ESRRG: variants seen among roughly 807,000 people sequenced by gnomAD.
ESRRG encodes estrogen related receptor gamma.
A neutral mutation model predicts 44.0 loss-of-function variants in ESRRG; 13 were observed. The observed-to-expected ratio is 0.30, with a 90% CI of 0.19 to 0.47. ESRRG has a LOEUF of 0.47. Among genes scored for constraint, ESRRG ranks in the 20% least tolerant of loss-of-function variants. The pLI, the probability that ESRRG is intolerant of heterozygous loss-of-function variation, is 1.00. For missense variants in ESRRG, 395 were observed against 580.6 expected (o/e 0.68, Z 3.29); for synonymous variants, 215 against 214.6 (o/e 1.00, Z -0.02).
chr1:216,657,202 C>G (rs1361378935), intron 2 of ESRRG, among the ~76,000 whole-genome samples: 4 of 151,990 alleles, frequency 2.6e-5, no homozygotes, highest in Non-Finnish European at 4.4e-5. Context: ...CTATCTATAG[C>G]TGAGATTCAT....
At chr1:216,586,527 T>G (rs1183046682) in intron 3 of ESRRG, among the ~76,000 whole-genome samples, 1 of 151,948 alleles carries the variant, frequency 6.6e-6, no homozygotes, top group Non-Finnish European at 1.5e-5. Context: ...CATAAAGCAC[T>G]CTGTGTCAAC....
At chr1:216,915,987 C>T (rs540164500) in intron 2 of ESRRG, among the ~76,000 whole-genome samples, 6 of 152,214 alleles carry the variant, frequency 3.9e-5, no homozygotes, top group Admixed American at 1.3e-4. Context: ...TCCTTTATAT[C>T]GTACTTTTAA....
At chr1:216,895,474 A>G (rs146518029) in intron 2 of ESRRG, among the ~76,000 whole-genome samples, 332 of 152,326 alleles carry the variant, frequency 2.2e-3, no homozygotes, top group African/African-American at 7.5e-3. Context: ...CAGGGTAGTC[A>G]GTTTAAATAG....
intron 2 of ESRRG, among the ~76,000 whole-genome samples, chr1:216,927,244 C>A (rs980291945): frequency 6.6e-6 from 1 of 152,084 alleles, no homozygotes; most frequent in Non-Finnish European, 1.5e-5. Context: ...AGCAAAATGG[C>A]AAGAGCCTAT....
At chr1:216,615,575 G>A (rs1286428195) in intron 3 of ESRRG, among the ~76,000 whole-genome samples, 1 of 152,084 alleles carries the variant, frequency 6.6e-6, no homozygotes, top group East Asian at 1.9e-4. Flanking sequence ...AGTCAACTCT[G>A]TGTTTGGTAT....
At chr1:216,756,929 A>G (rs1194726978) in intron 2 of ESRRG, among the ~76,000 whole-genome samples, 2 of 151,960 alleles carry the variant, frequency 1.3e-5, no homozygotes, top group Admixed American at 6.6e-5. Context: ...ATAGGCCCAT[A>G]TCTCATAACT....
Position 216,557,313 on chromosome 1 carries a change from C to T in ESRRG, c.862+6906G>A, listed in dbSNP as rs61816994. ...TGATAGGGCAAATATGTTACATTTG[C>T]CTTAACTTGTTATAAAACAGAAGTA... On this transcript the variant is annotated intron_variant, in intron 5 of 6. Transcript: ENST00000408911. 3.4e-3 allele frequency among the ~76,000 whole-genome samples: 520 copies of T among 151,994 alleles called. 7 individuals carry two copies. The highest frequency in any genetic ancestry group is 0.02 in the Middle Eastern group (6 of 294).
At chr1:216,659,512 C>T (rs1435705568) in intron 2 of ESRRG, among the ~76,000 whole-genome samples, 1 of 152,148 alleles carries the variant, frequency 6.6e-6, no homozygotes, top group Non-Finnish European at 1.5e-5. Context: ...GAGGACAAAA[C>T]ATTTGCAAAG....
chr1:216,660,500 A>G (rs1236707344), intron 2 of ESRRG, among the ~76,000 whole-genome samples: 1 of 152,240 alleles, frequency 6.6e-6, no homozygotes, highest in Admixed American at 6.5e-5. Flanking sequence ...GGCAATCTGG[A>G]TCCAAAGTCT....
At chr1:217,132,709 T>A (rs888267258) in intron 1 of ESRRG, among the ~76,000 whole-genome samples, 3 of 151,988 alleles carry the variant, frequency 2.0e-5, no homozygotes, top group African/African-American at 4.8e-5. Context: ...GCATGGACAC[T>A]CTCTTGTTGC....
In ESRRG at chr1:216,570,475, A is replaced by AT. The variant is rs932651984; in HGVS notation, c.590-2378dup. Among the ~76,000 whole-genome samples, 267 of 151,784 alleles carry AT rather than the reference A, an allele frequency of 1.8e-3. 1 individual carries two copies. The highest frequency in any genetic ancestry group is 4.6e-3 in the African/African-American group (192 of 41,408). Reference sequence around the variant, plus strand: ...CTTCTCTCCACTTTCATCATGATTTATTTTTTTTCATCTCTTTCTCTTCAA... The same window carrying AT: ...CTTCTCTCCACTTTCATCATGATTTATTTTTTTTTCATCTCTTTCTCTTCAA... On this transcript the variant is annotated intron_variant, in intron 3 of 6. Transcript: ENST00000408911.
chr1:217,087,931 T>A (rs1431917637), intron 1 of ESRRG, among the ~76,000 whole-genome samples: 1 of 152,176 alleles, frequency 6.6e-6, no homozygotes, highest in Non-Finnish European at 1.5e-5. Flanking sequence ...CTTCTTCCTG[T>A]CAGGCATTCC....
intron 2 of ESRRG, among the ~76,000 whole-genome samples, chr1:216,807,996 T>C (rs1186754055): frequency 6.6e-6 from 1 of 152,160 alleles, no homozygotes; most frequent in Non-Finnish European, 1.5e-5. Context: ...CTAGTGTGTC[T>C]GACACACTCC....
intron 2 of ESRRG, among the ~76,000 whole-genome samples, chr1:216,746,510 G>T (rs1300752376): frequency 1.3e-5 from 2 of 152,066 alleles, no homozygotes; most frequent in African/African-American, 4.8e-5. Flanking sequence ...ACTTTTAAAA[G>T]AATTCTTTGC....
chr1:216,747,710 T>A (rs972075499), intron 2 of ESRRG, among the ~76,000 whole-genome samples: 3 of 152,190 alleles, frequency 2.0e-5, no homozygotes, highest in African/African-American at 7.2e-5. Context: ...AAACGTTCAA[T>A]CATTTTAGGC....
chr1:217,039,703 TAA>T (rs562497503), intron 1 of ESRRG, among the ~76,000 whole-genome samples: 98 of 152,374 alleles, frequency 6.4e-4, no homozygotes, highest in African/African-American at 2.2e-3. Context: ...AAATCCATTA[TAA>T]GTTTCCTTTA....
intron 2 of ESRRG, among the ~76,000 whole-genome samples, chr1:216,777,435 T>G (rs1227562655): frequency 6.6e-6 from 1 of 152,128 alleles, no homozygotes; most frequent in Non-Finnish European, 1.5e-5. Context: ...CATATCACAC[T>G]TCCAGACTGC....
At chr1:216,599,698 C>G (rs565174539) in intron 3 of ESRRG, among the ~76,000 whole-genome samples, 2 of 152,010 alleles carry the variant, frequency 1.3e-5, no homozygotes, top group South Asian at 2.1e-4. Flanking sequence ...AAAAAATTGA[C>G]CATTTCCAGT....
chr1:217,111,130 A>T (rs970609550), intron 1 of ESRRG, among the ~76,000 whole-genome samples: 1 of 152,198 alleles, frequency 6.6e-6, no homozygotes, highest in African/African-American at 2.4e-5. Context: ...AATAGAATAC[A>T]GGTCAGACAC....
Sources: allele counts gnomAD v4.1 joint callset (sites outside exome capture counted in the v4.1 genomes callset), GRCh38; gene constraint gnomAD v4.1.1; transcripts MANE v1.5; gene names NCBI Gene and HGNC (gene_info 2026-07-23, HGNC 2026-07-21).